The following RASSF8 variants were observed in gnomAD, a reference collection of about 807,000 sequenced individuals.
RASSF8 encodes ras association domain-containing protein 8.
Under a neutral mutation model 48.5 loss-of-function variants are expected in RASSF8, and 22 were observed. That is an observed-to-expected ratio of 0.45 (90% CI 0.32 to 0.65). RASSF8 has a LOEUF of 0.65. RASSF8 is among the 30% of genes least tolerant of loss of function. The probability of loss-of-function intolerance (pLI) is 0.03; values close to 1 mark genes in which losing one functional copy is unlikely to be tolerated. For missense variants in RASSF8, 418 were observed against 489.2 expected (o/e 0.85, Z 1.37); for synonymous variants, 127 against 171.5 (o/e 0.74, Z 2.03).
Position 26,070,670 on chromosome 12 carries a change from C to T in RASSF8, c.*1852C>T, listed in dbSNP as rs573697321. The T allele has an allele frequency of 2.1e-6, 2 of 944,374 alleles. No homozygotes were observed. The highest frequency in any genetic ancestry group is 2.3e-4 in the East Asian group (2 of 8,590). The allele number at this position is 944,374 out of a possible 1,614,324, so 58.5% of individuals were successfully genotyped here. A position where few individuals can be genotyped will look rare whatever the true frequency, so the allele number is the denominator to read the frequency against. On this transcript the variant is annotated 3_prime_UTR_variant, in exon 6 of 6. Coordinates refer to ENST00000689635, the MANE Select transcript of RASSF8 (RefSeq NM_001394098.1). ...GTGACAGTAATGATTTACATATGCC[C>T]AATATATGCCTTATTTTTAAATAAG...
chr12:26,045,693 C>A (rs1412612361), intron 2 of RASSF8, among the ~76,000 whole-genome samples: 1 of 151,884 alleles, frequency 6.6e-6, no homozygotes, highest in Non-Finnish European at 1.5e-5. Flanking sequence ...ATTTACAATA[C>A]CATAAATGAG....
rs957622615 is a variant in RASSF8, at chr12:26,063,331, C to T, written c.104-1167C>T. 7.9e-5 allele frequency among the ~76,000 whole-genome samples: 12 copies of T among 152,224 alleles called. No individual in the cohort carries two copies. In the East Asian group the frequency reaches 2.3e-3, roughly 29 times the overall value. On this transcript the variant is annotated intron_variant, in intron 3 of 5. Transcript: ENST00000689635. ...CAATCATATTCTTCTGAAACTTTAT[C>T]TTACTTTCATAATGATTAGATTCAG...
intron 2 of RASSF8, among the ~76,000 whole-genome samples, chr12:26,000,829 G>T (rs1293874722): frequency 1.3e-5 from 2 of 152,118 alleles, no homozygotes; most frequent in Non-Finnish European, 2.9e-5. Context: ...CACCTGTATG[G>T]GGTATTGCCT....
Position 25,963,221 on chromosome 12 carries a change from A to G in RASSF8, c.-203+4073A>G, listed in dbSNP as rs555435113. Among the ~76,000 whole-genome samples, 18 of 151,814 alleles carry G rather than the reference A, an allele frequency of 1.2e-4. No individual in the cohort carries two copies. In the South Asian group the frequency reaches 3.1e-3, roughly 26 times the overall value. On this transcript the variant is annotated intron_variant, in intron 1 of 5. Transcript: ENST00000689635. ...GTAACCAGACATCACTGGACCATACACTTAAGAGAGAGGAGGAGTTTTTTT... is the reference window on the plus strand; with the variant it reads ...GTAACCAGACATCACTGGACCATACGCTTAAGAGAGAGGAGGAGTTTTTTT...
intron 2 of RASSF8, among the ~76,000 whole-genome samples, chr12:26,022,001 A>C (rs2137067283): frequency 6.6e-6 from 1 of 152,380 alleles, no homozygotes; most frequent in Non-Finnish European, 1.5e-5. Flanking sequence ...AAAGAGAATC[A>C]GAGAAGGAGC....
chr12:26,022,936 G>A (rs909894887), intron 2 of RASSF8, among the ~76,000 whole-genome samples: 9 of 152,016 alleles, frequency 5.9e-5, no homozygotes, highest in African/African-American at 1.9e-4. Context: ...TAGTAGAGAC[G>A]GGGTTTTTCC....
intron 2 of RASSF8, among the ~76,000 whole-genome samples, chr12:26,011,168 G>C (rs1426010661): frequency 6.6e-6 from 1 of 152,154 alleles, no homozygotes; most frequent in African/African-American, 2.4e-5. Context: ...CAAGGCATAA[G>C]TTTATATTGC....
chr12:26,062,200 A>G (rs1017900101), intron 3 of RASSF8, among the ~76,000 whole-genome samples: 1 of 152,346 alleles, frequency 6.6e-6, no homozygotes, highest in Non-Finnish European at 1.5e-5. Flanking sequence ...GTTGATAGGC[A>G]TAGTGCTATG....
At chr12:25,975,262 C>T (rs1365610315) in intron 1 of RASSF8, among the ~76,000 whole-genome samples, 1 of 152,136 alleles carries the variant, frequency 6.6e-6, no homozygotes, top group Admixed American at 6.5e-5. Context: ...GTCTCGATAT[C>T]ATTAAAGTTA....
At chr12:26,014,032 G>T (rs1269568126) in intron 2 of RASSF8, among the ~76,000 whole-genome samples, 1 of 152,204 alleles carries the variant, frequency 6.6e-6, no homozygotes, top group African/African-American at 2.4e-5. Context: ...ATATGAGAGT[G>T]TGGACCTTTG....
At position 26,039,391 on chromosome 12, in the gene RASSF8, G is replaced by A. The variant is rs114561053; in HGVS notation, c.-108-15845G>A. On this transcript the variant is annotated intron_variant, in intron 2 of 5. Transcript: ENST00000689635. ...TTGAGGCTGGGTGTTAGAGGGTGGAGGGCTTGGGACTTGAGTTCTTTATTC... is the reference window on the plus strand; with the variant it reads ...TTGAGGCTGGGTGTTAGAGGGTGGAAGGCTTGGGACTTGAGTTCTTTATTC... Among the ~76,000 whole-genome samples, 394 of 152,136 alleles carry A rather than the reference G, an allele frequency of 2.6e-3. 2 individuals are homozygous for A. Among genetic ancestry groups the A allele is most frequent in the African/African-American group, 9.1e-3 (376 of 41,470 alleles).
chr12:26,023,840 C>T (rs1272305414), intron 2 of RASSF8, among the ~76,000 whole-genome samples: 3 of 152,050 alleles, frequency 2.0e-5, no homozygotes, highest in Non-Finnish European at 4.4e-5. Flanking sequence ...TATTTCATAA[C>T]ACCAACACAA....
chr12:26,058,350 C>T (rs1367552889), intron 3 of RASSF8, among the ~76,000 whole-genome samples: 1 of 152,230 alleles, frequency 6.6e-6, no homozygotes, highest in South Asian at 2.1e-4. Flanking sequence ...CTCTGAAAAG[C>T]AACCCCAGAA....
At chr12:26,007,783 T>C (rs573542601) in intron 2 of RASSF8, among the ~76,000 whole-genome samples, 1 of 152,344 alleles carries the variant, frequency 6.6e-6, no homozygotes, top group South Asian at 2.1e-4. Flanking sequence ...ATATGGTAAT[T>C]GAAAGGATCA....
intron 2 of RASSF8, among the ~76,000 whole-genome samples, chr12:26,047,590 A>G (rs958820471): frequency 1.3e-5 from 2 of 152,212 alleles, no homozygotes; most frequent in Non-Finnish European, 2.9e-5. Context: ...TTCTATGTTC[A>G]GTGAAATGAC....
chr12:26,065,514 T>G, intron 4 of RASSF8, 127 bp downstream of exon 4: 2 of 1,244,866 alleles, frequency 1.6e-6, no homozygotes, highest in East Asian at 4.9e-5. Context: ...GTTTAAAACT[T>G]TTGTCGAACT....
chr12:26,030,280 CA>C (rs1943001215), intron 2 of RASSF8, among the ~76,000 whole-genome samples: 1 of 152,070 alleles, frequency 6.6e-6, no homozygotes, highest in African/African-American at 2.4e-5. Flanking sequence ...TCATTTTATT[CA>C]AAAGCCTTGG....
chr12:26,048,020 C>G (rs779531256), intron 2 of RASSF8, among the ~76,000 whole-genome samples: 11 of 152,186 alleles, frequency 7.2e-5, no homozygotes, highest in Non-Finnish European at 1.5e-4. Context: ...AAGCAGGAAG[C>G]CCAGTCCATG....
chr12:26,013,996 T>G (rs907569667), intron 2 of RASSF8, among the ~76,000 whole-genome samples: 8 of 152,208 alleles, frequency 5.3e-5, no homozygotes, highest in Admixed American at 3.3e-4. Flanking sequence ...TGGACAAAAC[T>G]CAGACCTGTG....
Sources: gnomAD v4.1 joint callset for allele counts (sites outside exome capture counted in the v4.1 genomes callset) on GRCh38, gnomAD v4.1.1 for gene constraint, MANE v1.5 for transcripts, NCBI Gene and HGNC (gene_info 2026-07-23, HGNC 2026-07-21) for gene names.